TMTC2: variants seen among roughly 807,000 people sequenced by gnomAD.
TMTC2 encodes the protein protein O-mannosyl-transferase TMTC2.
TMTC2 carries 43 observed loss-of-function variants against 82.4 expected under a neutral mutation model. That is an observed-to-expected ratio of 0.52 (90% CI 0.41 to 0.67). The LOEUF (loss-of-function observed/expected upper bound fraction) is 0.67, where lower values mean the gene tolerates loss of function less well. TMTC2 is among the 30% of genes least tolerant of loss of function. TMTC2 has a pLI of 0.00. For missense variants in TMTC2, 919 were observed against 1,012.4 expected, an observed-to-expected ratio of 0.91 and a Z score of 1.25; for synonymous variants, 408 against 381.9, an observed-to-expected ratio of 1.07 and a Z score of -0.80.
intron 8 of TMTC2, among the ~76,000 whole-genome samples, chr12:83,029,972 ATT>A (rs1881359473): frequency 1.3e-5 from 2 of 152,208 alleles, no homozygotes; most frequent in Non-Finnish European, 2.9e-5. Context: ...GATTAGCAGA[ATT>A]TTAGTCCTGA....
At chr12:82,702,747 C>T (rs1435629626) in intron 1 of TMTC2, among the ~76,000 whole-genome samples, 3 of 152,180 alleles carry the variant, frequency 2.0e-5, no homozygotes, top group African/African-American at 4.8e-5. Flanking sequence ...GGCAACATAG[C>T]GAGATTCCAT....
intron 1 of TMTC2, among the ~76,000 whole-genome samples, chr12:82,733,061 G>C (rs751557993): frequency 6.6e-5 from 10 of 152,074 alleles, no homozygotes; most frequent in Admixed American, 1.3e-4. Context: ...TCAGAGGGAA[G>C]ATCTCTTTAT....
chr12:82,733,512 T>C (rs1057217709), intron 1 of TMTC2, among the ~76,000 whole-genome samples: 5 of 152,204 alleles, frequency 3.3e-5, no homozygotes, highest in African/African-American at 1.2e-4. Flanking sequence ...TCTTCCCTTC[T>C]AAGAACTACT....
chr12:83,117,330 C>T (rs184713218), intron 11 of TMTC2, among the ~76,000 whole-genome samples: 1 of 152,342 alleles, frequency 6.6e-6, no homozygotes, highest in Non-Finnish European at 1.5e-5. Context: ...AAGGAAACTA[C>T]AGACTGATAT....
Position 82,952,024 on chromosome 12 carries a change from T to G in TMTC2, c.1599-13000T>G, listed in dbSNP as rs1227859302. Among the ~76,000 whole-genome samples, 4 of 152,198 alleles carry G rather than the reference T, an allele frequency of 2.6e-5. No individual in the cohort carries two copies. In the East Asian group the frequency reaches 7.7e-4, roughly 29 times the overall value. On this transcript the variant is annotated intron_variant, in intron 4 of 11. Coordinates refer to ENST00000321196, the MANE Select transcript of TMTC2 (RefSeq NM_152588.3). ...TAAGATAACCTAAAAGTCACAGAAG[T>G]GCTTCATGAGACCAGAAACTATAGC...
intron 5 of TMTC2, 26 bp from the exon 6 acceptor site, chr12:82,965,534 C>A (rs772289854): frequency 1.6e-5 from 25 of 1,611,598 alleles, no homozygotes; most frequent in Middle Eastern, 3.3e-4. Context: ...TCTTCTCACA[C>A]TTTTGTTTCC....
intron 9 of TMTC2, among the ~76,000 whole-genome samples, chr12:83,042,625 G>A (rs142385048): frequency 4.9e-4 from 74 of 151,926 alleles, no homozygotes; most frequent in Non-Finnish European, 8.7e-4. Context: ...CAGTCTCCCC[G>A]CTTCTTCTTA....
intron 4 of TMTC2, among the ~76,000 whole-genome samples, chr12:82,945,840 G>A (rs1876963589): frequency 6.6e-6 from 1 of 152,098 alleles, no homozygotes; most frequent in African/African-American, 2.4e-5. Flanking sequence ...CCTAACTGTG[G>A]TTTCCCCTAT....
At chr12:83,130,737 T>A (rs1216318000) in intron 11 of TMTC2, among the ~76,000 whole-genome samples, 1 of 152,084 alleles carries the variant, frequency 6.6e-6, no homozygotes, top group Non-Finnish European at 1.5e-5. Flanking sequence ...ATTTGTAGAG[T>A]GTCTAATTTG....
intron 1 of TMTC2, among the ~76,000 whole-genome samples, chr12:82,813,653 T>A (rs1868525244): frequency 6.6e-6 from 1 of 152,132 alleles, no homozygotes; most frequent in African/African-American, 2.4e-5. Flanking sequence ...CAGTTTATGA[T>A]ACTGGCATGG....
intron 1 of TMTC2, among the ~76,000 whole-genome samples, chr12:82,856,077 G>A (rs1251685533): frequency 6.6e-6 from 1 of 152,198 alleles, no homozygotes; most frequent in African/African-American, 2.4e-5. Context: ...GAGAGATGTA[G>A]AGAATAATAT....
At chr12:82,911,092 G>A (rs558103856) in intron 3 of TMTC2, among the ~76,000 whole-genome samples, 4 of 152,224 alleles carry the variant, frequency 2.6e-5, no homozygotes, top group African/African-American at 9.6e-5. Flanking sequence ...GTGTTAGCCA[G>A]GATGGTCTCT....
intron 1 of TMTC2, among the ~76,000 whole-genome samples, chr12:82,708,742 CTG>C (rs1873489768): frequency 6.6e-6 from 1 of 152,176 alleles, no homozygotes; most frequent in Non-Finnish European, 1.5e-5. Context: ...AGCTGCAAGC[CTG>C]TGTTTCCAAG....
intron 1 of TMTC2, among the ~76,000 whole-genome samples, chr12:82,770,367 T>A (rs1877223099): frequency 6.6e-6 from 1 of 152,160 alleles, no homozygotes; most frequent in Non-Finnish European, 1.5e-5. Context: ...CAAATATGTT[T>A]TACTCTATTG....
At chr12:83,071,164 T>G (rs1883099416) in intron 11 of TMTC2, among the ~76,000 whole-genome samples, 1 of 151,086 alleles carries the variant, frequency 6.6e-6, no homozygotes, top group Non-Finnish European at 1.5e-5. Context: ...TTTTTTTGTT[T>G]TTTTTTTTGA....
intron 2 of TMTC2, among the ~76,000 whole-genome samples, chr12:82,891,997 T>C (rs1873421543): frequency 6.6e-6 from 1 of 152,046 alleles, no homozygotes; most frequent in Non-Finnish European, 1.5e-5. Context: ...ACCCAAGAGG[T>C]TGAGGCTGCA....
intron 8 of TMTC2, among the ~76,000 whole-genome samples, chr12:83,027,406 G>A (rs1197842052): frequency 3.3e-5 from 5 of 152,096 alleles, no homozygotes; most frequent in Non-Finnish European, 5.9e-5. Context: ...ATCACTTAAC[G>A]TAGTTGATAG....
At chr12:82,843,941 C>T (rs984990240) in intron 1 of TMTC2, among the ~76,000 whole-genome samples, 4 of 152,048 alleles carry the variant, frequency 2.6e-5, no homozygotes, top group Non-Finnish European at 5.9e-5. Context: ...GAGTGAGACT[C>T]GGTCTTGGGA....
chr12:82,840,230 A>T (rs1870260735), intron 1 of TMTC2, among the ~76,000 whole-genome samples: 1 of 152,232 alleles, frequency 6.6e-6, no homozygotes, highest in Non-Finnish European at 1.5e-5. Context: ...AACATTTTTT[A>T]GATGAAAACT....
Sources: allele counts gnomAD v4.1 joint callset (sites outside exome capture counted in the v4.1 genomes callset), GRCh38; gene constraint gnomAD v4.1.1; transcripts MANE v1.5; gene names NCBI Gene and HGNC (gene_info 2026-07-23, HGNC 2026-07-21).